The following FAM114A2 variants were observed in gnomAD, a reference collection of about 807,000 sequenced individuals.
FAM114A2 encodes family with sequence similarity 114 member A2, also known as protein FAM114A2.
Under a neutral mutation model 58.4 loss-of-function variants are expected in FAM114A2, and 53 were observed. That is an observed-to-expected ratio of 0.91 (90% confidence interval 0.73 to 1.14). The LOEUF (loss-of-function observed/expected upper bound fraction) is 1.14. FAM114A2 is among the 50% of genes most tolerant of loss of function. The probability of loss-of-function intolerance (pLI) is 0.00; values close to 1 mark genes in which losing one functional copy is unlikely to be tolerated. For missense variants in FAM114A2, 601 were observed against 581.1 expected (o/e 1.03, Z -0.35); for synonymous variants, 228 against 211.4 (o/e 1.08, Z -0.68).
intron 8 of FAM114A2, among the ~76,000 whole-genome samples, chr5:154,016,588 CCAG>C (rs1318390654): frequency 1.3e-5 from 2 of 152,068 alleles, no homozygotes; most frequent in African/African-American, 4.8e-5. Context: ...CACTACCAAG[CCAG>C]CAGTACAAGA....
chr5:154,004,661 T>C (rs1376043132), intron 9 of FAM114A2, among the ~76,000 whole-genome samples: 2 of 152,142 alleles, frequency 1.3e-5, no homozygotes, highest in African/African-American at 4.8e-5. Context: ...CATCTTAGAT[T>C]TTTTTCCTCT....
chr5:154,000,898 T>C (rs939046608), intron 11 of FAM114A2, among the ~76,000 whole-genome samples: 11 of 151,904 alleles, frequency 7.2e-5, no homozygotes, highest in Non-Finnish European at 1.3e-4. Context: ...TTCTTAATAA[T>C]AGTTATTAGT....
chr5:154,023,452 G>A (rs529703643), intron 8 of FAM114A2, among the ~76,000 whole-genome samples: 15 of 152,236 alleles, frequency 9.9e-5, no homozygotes, highest in African/African-American at 3.6e-4. Flanking sequence ...CCATAAAAAC[G>A]AATGAATTAA....
At chr5:154,024,237 T>C (rs900848894) in intron 8 of FAM114A2, among the ~76,000 whole-genome samples, 1 of 152,176 alleles carries the variant, frequency 6.6e-6, no homozygotes, top group Non-Finnish European at 1.5e-5. Context: ...CTTGTTCTTG[T>C]AAAACTTTCT....
chr5:154,030,313 TAGG>T (rs1252478548), intron 4 of FAM114A2, among the ~76,000 whole-genome samples: 1 of 152,190 alleles, frequency 6.6e-6, no homozygotes, highest in Non-Finnish European at 1.5e-5. Context: ...AAATTTCACA[TAGG>T]AGAACAACCA....
chr5:154,027,755 C>T (rs1771889058), intron 6 of FAM114A2, among the ~76,000 whole-genome samples: 2 of 152,156 alleles, frequency 1.3e-5, no homozygotes, highest in Non-Finnish European at 2.9e-5. Context: ...CCTACCTCGG[C>T]CTCCCAAAGT....
intron 8 of FAM114A2, among the ~76,000 whole-genome samples, chr5:154,022,141 A>T (rs182282874): frequency 3.5e-4 from 53 of 152,326 alleles, no homozygotes; most frequent in African/African-American, 1.2e-3. Flanking sequence ...ACAAAAATCA[A>T]TTCAAGATGG....
chr5:154,037,041 C>T (rs1315404281), intron 1 of FAM114A2: 1 of 152,188 alleles, frequency 6.6e-6, no homozygotes, highest in African/African-American at 2.4e-5. Flanking sequence ...ATTATGCTAC[C>T]TGATTAACCT....
At chr5:154,025,379 G>A (rs1771708601) in intron 8 of FAM114A2, among the ~76,000 whole-genome samples, 1 of 151,630 alleles carries the variant, frequency 6.6e-6, no homozygotes, top group South Asian at 2.1e-4. Flanking sequence ...TATGGCACCA[G>A]CAATTTTATG....
At position 154,029,532 on chromosome 5, in the gene FAM114A2, G is replaced by A. The variant is rs1772034363; in HGVS notation, c.452C>T (p.Ala151Val). 3 of 1,611,136 alleles carry A rather than the reference G, an allele frequency of 1.9e-6. No homozygotes were observed. The African/African-American group carries it at 4.0e-5, about 22-fold the overall frequency. ...AGAGATGGTAGAGAATACACCAAAT[G>A]CCCCAGCCACTGGGGAGGAGTTTTC... ...ENENSSPVAG[A>V]FGVFSTISTA... is the part of the protein sequence containing the mutation. Residue 151 changes from alanine (A) to valine (V), a missense_variant, in exon 5 of 14, where the codon GCA (alanine) becomes GTA (valine). Transcript: ENST00000351797.
rs762049340 is a variant in FAM114A2 at position 154,034,835 on chromosome 5, T to C, written c.119A>G (p.Glu40Gly). The C allele has an allele frequency of 6.2e-7, 1 of 1,614,044 alleles. No individual in the cohort carries two copies. The highest frequency in any genetic ancestry group is 1.1e-5 in the South Asian group (1 of 91,082). Reference protein sequence around the residue: ...SESVDQGAKPESKSEPVVSTR... With the variant: ...SESVDQGAKPGSKSEPVVSTR... ...GGAAACTACAGGTTCTGATTTACTC[T>C]CTGGTTTGGCACCTTGGTCAACAGA... Residue 40 changes from glutamate to glycine, a missense_variant, in exon 2 of 14, where the codon GAG (glutamate) becomes GGG (glycine). Transcript: ENST00000351797.
Position 154,002,828 on chromosome 5 carries a change from G to A in FAM114A2, c.1116+19C>T. 1.2e-6 allele frequency: 2 copies of A among 1,613,566 alleles called. No homozygotes were observed. Among genetic ancestry groups the A allele is most frequent in the Non-Finnish European group, 1.7e-6 (2 of 1,179,708 alleles). Reference sequence around the variant, plus strand: ...AAATCTACTAAAACAAACAAAAAAGGCTTAGTTGCTTTGGCTACCTCTATT... The same window carrying A: ...AAATCTACTAAAACAAACAAAAAAGACTTAGTTGCTTTGGCTACCTCTATT... On this transcript the variant is annotated intron_variant, in intron 10 of 13. Transcript: ENST00000351797.
chr5:154,035,243 C>T (rs946651525), intron 1 of FAM114A2, among the ~76,000 whole-genome samples: 4 of 152,118 alleles, frequency 2.6e-5, no homozygotes, highest in Admixed American at 6.5e-5. Context: ...AAAATTTTAT[C>T]GCATGTATAC....
At chr5:154,015,766 A>G (rs1260718781) in intron 8 of FAM114A2, among the ~76,000 whole-genome samples, 1 of 152,166 alleles carries the variant, frequency 6.6e-6, no homozygotes, top group African/African-American at 2.4e-5. Context: ...ATCCAAACCA[A>G]GAAGAAATCC....
At chr5:154,032,737 G>A (rs1772285914) in intron 4 of FAM114A2, among the ~76,000 whole-genome samples, 1 of 152,124 alleles carries the variant, frequency 6.6e-6, no homozygotes, top group Non-Finnish European at 1.5e-5. Flanking sequence ...ACTATACTTG[G>A]AGTTGCAGTA....
chr5:154,016,740 A>ACAGG (rs1485837183), intron 8 of FAM114A2, among the ~76,000 whole-genome samples: 15 of 152,170 alleles, frequency 9.9e-5, no homozygotes, highest in African/African-American at 3.4e-4. Context: ...AACAAGGTGT[A>ACAGG]CAGGCAACAC....
chr5:154,029,522 TA>T lies in FAM114A2; in HGVS notation c.461del (p.Val154AspfsTer17). On this transcript the variant is annotated frameshift_variant, in exon 5 of 14. Transcript: ENST00000351797. LOFTEE classifies it high-confidence loss of function. ...NSSPVAGAFGVFSTISTAVQS... is the reference protein window; with the variant it reads ...NSSPVAGAFGXFSTISTAVQS... Reference sequence around the variant, plus strand: ...GAACAGCAGTAGAGATGGTAGAGAATACACCAAATGCCCCAGCCACTGGGGA... The same window carrying T: ...GAACAGCAGTAGAGATGGTAGAGAATCACCAAATGCCCCAGCCACTGGGGA... 6.2e-7 allele frequency: 1 copy of T among 1,611,122 alleles called. No individual in the cohort carries two copies. The highest frequency in any genetic ancestry group is 8.5e-7 in the Non-Finnish European group (1 of 1,177,686).
intron 6 of FAM114A2, among the ~76,000 whole-genome samples, 172 bp downstream of exon 6, chr5:154,027,977 A>G (rs1448666423): frequency 1.3e-5 from 2 of 152,194 alleles, no homozygotes; most frequent in African/African-American, 4.8e-5. Context: ...AGAGCTGGGT[A>G]TTTTTGTAAG....
rs888389629 is a variant in FAM114A2, at chr5:153,992,889, C to T, written c.*87G>A. The T allele has an allele frequency of 4.1e-6, 5 of 1,211,546 alleles. No individual in the cohort carries two copies. The South Asian group carries it at 6.5e-5, about 16-fold the overall frequency. 75.0% of individuals were successfully genotyped at this position (1,211,546 alleles called of 1,614,324 possible). ...CCTGAATTTTTATATACTAAAATAA[C>T]CCCACTCCTTCATTTCTGCAGGAGT... On this transcript the variant is annotated 3_prime_UTR_variant, in exon 14 of 14. Transcript: ENST00000351797.
Sources: allele counts gnomAD v4.1 joint callset (sites outside exome capture counted in the v4.1 genomes callset), GRCh38; gene constraint gnomAD v4.1.1; transcripts MANE v1.5; gene names NCBI Gene and HGNC (gene_info 2026-07-23, HGNC 2026-07-21).